The following TNRC6A variants were observed in gnomAD, a reference collection of about 807,000 sequenced individuals.
TNRC6A encodes the protein trinucleotide repeat containing adaptor 6A.
TNRC6A carries 44 observed loss-of-function variants against 221.2 expected under a neutral mutation model. The ratio of observed to expected loss-of-function variants is 0.20; its 90% confidence interval spans 0.16 to 0.26. The LOEUF is 0.26. Ranked by LOEUF, TNRC6A falls within the 10% of genes least tolerant of loss-of-function variation. TNRC6A has a pLI of 1.00. For synonymous variants in TNRC6A, 847 were observed against 838.5 expected, an observed-to-expected ratio of 1.01 and a Z score of -0.18; for missense variants, 2,199 against 2,404.4, an observed-to-expected ratio of 0.91 and a Z score of 1.79.
intron 4 of TNRC6A, among the ~76,000 whole-genome samples, chr16:24,761,782 C>T (rs2057369802): frequency 6.6e-6 from 1 of 152,184 alleles, no homozygotes; most frequent in Non-Finnish European, 1.5e-5. Flanking sequence ...CTTCCTGCCT[C>T]AGGCTCCTGA....
At chr16:24,621,031 C>G (rs1900641941) in intron 1 of TNRC6A, among the ~76,000 whole-genome samples, 1 of 145,606 alleles carries the variant, frequency 6.9e-6, no homozygotes, top group Admixed American at 7.0e-5. Context: ...TTGCAGTGAG[C>G]CGAGATCACA....
chr16:24,678,493 CCAGCCAA>C (rs1284331825), intron 2 of TNRC6A, among the ~76,000 whole-genome samples: 1 of 152,110 alleles, frequency 6.6e-6, no homozygotes, highest in Non-Finnish European at 1.5e-5. Context: ...AGAGAAATCT[CCAGCCAA>C]CAGCCATCAG....
intron 1 of TNRC6A, among the ~76,000 whole-genome samples, chr16:24,617,625 C>T (rs192802792): frequency 6.6e-6 from 1 of 152,266 alleles, no homozygotes; most frequent in Admixed American, 6.5e-5. Flanking sequence ...ATCCTCATAA[C>T]AACCCCAGGA....
Position 24,823,633 on chromosome 16 carries a change from G to C in TNRC6A, c.5715G>C (p.Leu1905=). 6.2e-7 allele frequency: 1 copy of C among 1,613,664 alleles called. No homozygotes were observed. The highest frequency in any genetic ancestry group is 8.5e-7 in the Non-Finnish European group (1 of 1,179,734). ...TCAATCACTGGAATGGTGCTGGGCTGTCGGGAACTAACTGTGGAGACCTTC... is the reference window on the plus strand; with the variant it reads ...TCAATCACTGGAATGGTGCTGGGCTCTCGGGAACTAACTGTGGAGACCTTC... ...TDLNHWNGAG[L]SGTNCGDLHG... The change falls in exon 25 of 25, where the codon CTG becomes CTC. Residue 1905 remains leucine (L), a synonymous_variant. Transcript: ENST00000395799. The surrounding 1 kb of genome is among the most constrained non-coding windows in gnomAD (Gnocchi z 4.3).
At chr16:24,745,384 T>TG (rs1420371109) in intron 2 of TNRC6A, among the ~76,000 whole-genome samples, 4 of 152,008 alleles carry the variant, frequency 2.6e-5, no homozygotes, top group African/African-American at 4.8e-5. Context: ...AGAAAAGGAA[T>TG]GGGGGGTGGC....
chr16:24,660,739 CTTTTTTTTTTT>C (rs58299677), intron 2 of TNRC6A, among the ~76,000 whole-genome samples: 2 of 91,288 alleles, frequency 2.2e-5, no homozygotes, highest in South Asian at 4.0e-4. Flanking sequence ...TTTTTTTTTT[CTTTTTTTTTTT>C]TTTTTTTTTG....
chr16:24,756,138 A>C (rs1367746370), intron 3 of TNRC6A, among the ~76,000 whole-genome samples: 1 of 152,180 alleles, frequency 6.6e-6, no homozygotes, highest in Non-Finnish European at 1.5e-5. Flanking sequence ...TTGACATGTC[A>C]GTATAAAGTA....
At chr16:24,768,258 C>T (rs2057516030) in intron 4 of TNRC6A, among the ~76,000 whole-genome samples, 1 of 151,870 alleles carries the variant, frequency 6.6e-6, no homozygotes, top group Non-Finnish European at 1.5e-5. Context: ...GGTGAAACCC[C>T]GTCTCTACTA....
intron 1 of TNRC6A, among the ~76,000 whole-genome samples, chr16:24,611,749 T>G (rs1900066816): frequency 6.6e-6 from 1 of 152,140 alleles, no homozygotes; most frequent in Admixed American, 6.6e-5. Context: ...GTCTTGCAGA[T>G]ATATTACATA....
chr16:24,804,120 T>G (rs1472962215), intron 11 of TNRC6A, 57 bp from the exon 12 acceptor site: 1 of 1,525,676 alleles, frequency 6.6e-7, no homozygotes, highest in Non-Finnish European at 8.8e-7. Flanking sequence ...GTTGTAAATT[T>G]ATCTGAAACC....
chr16:24,768,488 TTTG>T (rs1364577676), intron 4 of TNRC6A, among the ~76,000 whole-genome samples: 2 of 151,738 alleles, frequency 1.3e-5, no homozygotes, highest in African/African-American at 4.8e-5. Context: ...AGGAAAATCC[TTTG>T]TTGTTGCTCT....
At chr16:24,670,982 G>A (rs372553703) in intron 2 of TNRC6A, 16 of 406,094 alleles carry the variant, frequency 3.9e-5, no homozygotes, top group African/African-American at 6.3e-5. Context: ...GCATCTGGCC[G>A]TGATCCCAGT....
chr16:24,790,969 A>G lies in TNRC6A; in HGVS notation c.2327A>G (p.Asp776Gly). 6.2e-7 allele frequency: 1 copy of G among 1,608,968 alleles called. No individual in the cohort carries two copies. Among genetic ancestry groups the G allele is most frequent in the Non-Finnish European group, 8.5e-7 (1 of 1,177,506 alleles). ...GATAAGACTAGCCCTAATGGTAATG[A>G]TACCTCATCTGTATCAGGGTGGGGC... Reference protein sequence around the residue: ...CIDKTSPNGNDTSSVSGWGDP... With the variant: ...CIDKTSPNGNGTSSVSGWGDP... Residue 776 changes from aspartate to glycine, a missense_variant, in exon 6 of 25, where the codon GAT (aspartate) becomes GGT (glycine). Transcript: ENST00000395799.
intron 2 of TNRC6A, among the ~76,000 whole-genome samples, chr16:24,649,816 C>CTCT (rs1319645787): frequency 4.9e-4 from 39 of 78,942 alleles, no homozygotes; most frequent in African/African-American, 2.2e-3. Context: ...CTCTCTCTCT[C>CTCT]TTTTTTTTTT....
chr16:24,758,467 C>T (rs117491798), intron 4 of TNRC6A, 107 bp downstream of exon 4: 17 of 1,203,882 alleles, frequency 1.4e-5, no homozygotes, highest in Non-Finnish European at 1.8e-5. Context: ...ATGAAAGAAG[C>T]GGTTGGGATT....
At chr16:24,675,764 A>C (rs1005778353) in intron 2 of TNRC6A, among the ~76,000 whole-genome samples, 12 of 137,864 alleles carry the variant, frequency 8.7e-5, no homozygotes, top group African/African-American at 3.0e-4. Context: ...CACAGAGGCT[A>C]TTCAGTATCT....
intron 2 of TNRC6A, among the ~76,000 whole-genome samples, chr16:24,648,534 T>C (rs1402066568): frequency 1.3e-5 from 2 of 152,258 alleles, no homozygotes; most frequent in South Asian, 2.1e-4. Context: ...CCTCCCAAAG[T>C]GCTGGGATTA....
intron 1 of TNRC6A, among the ~76,000 whole-genome samples, chr16:24,631,194 C>T (rs1244144891): frequency 6.6e-6 from 1 of 151,990 alleles, no homozygotes; most frequent in East Asian, 1.9e-4. Context: ...TGGCTGATAG[C>T]ATTTAGTATT....
At chr16:24,733,595 A>G (rs1476384962) in intron 2 of TNRC6A, among the ~76,000 whole-genome samples, 1 of 152,242 alleles carries the variant, frequency 6.6e-6, no homozygotes, top group Admixed American at 6.5e-5. Context: ...AAGTAAGGAC[A>G]CAAAAATCCA....
Sources: allele counts gnomAD v4.1 joint callset (sites outside exome capture counted in the v4.1 genomes callset), GRCh38; gene constraint gnomAD v4.1.1; non-coding constraint Gnocchi (gnomAD v3.1); transcripts MANE v1.5; gene names NCBI Gene and HGNC (gene_info 2026-07-23, HGNC 2026-07-21).